The following KDM3A variants were observed in gnomAD, a reference collection of about 807,000 sequenced individuals.
The protein encoded by KDM3A is lysine demethylase 3A.
In KDM3A, 60 loss-of-function variants were observed where a neutral mutation model predicts 158.0. The ratio of observed to expected loss-of-function variants is 0.38; its 90% CI spans 0.31 to 0.47. KDM3A has a LOEUF of 0.47. Ranked by LOEUF, KDM3A falls within the 20% of genes least tolerant of loss-of-function variation. KDM3A has a pLI of 0.99. For missense variants in KDM3A, 1,319 were observed against 1,574.3 expected (o/e 0.84, Z 2.74); for synonymous variants, 608 against 549.3 (o/e 1.11, Z -1.49).
chr2:86,485,118 G>A, intron 20 of KDM3A, 89 bp downstream of exon 20: 1 of 761,134 alleles, frequency 1.3e-6, no homozygotes, highest in East Asian at 2.6e-5. Flanking sequence ...CAGTTTTCAA[G>A]AAAATAACAA....
chr2:86,484,717 G>A (rs1674100461), intron 19 of KDM3A: 1 of 466,838 alleles, frequency 2.1e-6, no homozygotes, highest in Non-Finnish European at 3.8e-6. Flanking sequence ...GCTGCCTCCT[G>A]GGTACAAATG....
chr2:86,482,786 C>T (rs1674001769), intron 18 of KDM3A, 92 bp downstream of exon 18: 2 of 1,063,426 alleles, frequency 1.9e-6, no homozygotes, highest in South Asian at 2.8e-5. Context: ...AGGCTTTCCC[C>T]CTCCTTCACC....
Position 86,442,023 on chromosome 2 carries a change from A to G in KDM3A, c.-25A>G. Reference sequence around the variant, plus strand: ...TTGTTTTTGTGTTTTTGCAGGGAGGAGCTCTTCCTGCAGGCGTGGAAACCA... The same window carrying G: ...TTGTTTTTGTGTTTTTGCAGGGAGGGGCTCTTCCTGCAGGCGTGGAAACCA... On this transcript the variant is annotated 5_prime_UTR_variant, in exon 2 of 26. Coordinates refer to ENST00000312912, the MANE Select transcript of KDM3A (RefSeq NM_018433.6). The G allele has an allele frequency of 1.3e-6, 2 of 1,580,768 alleles. No homozygotes were observed. The highest frequency in any genetic ancestry group is 1.7e-6 in the Non-Finnish European group (2 of 1,160,882).
chr2:86,439,097 T>C (rs1298056339), upstream of KDM3A, among the ~76,000 whole-genome samples: 2 of 152,048 alleles, frequency 1.3e-5, no homozygotes, highest in Non-Finnish European at 2.9e-5. Context: ...AAAACATTTT[T>C]TAAAAATTAT....
rs1386922217 is a variant in KDM3A, at chr2:86,485,772, A to G, written c.3226A>G (p.Arg1076Gly). The change falls in exon 21 of 26, where the codon AGG becomes GGG. Residue 1076 changes from arginine (R) to glycine (G), a missense_variant. Transcript: ENST00000312912. ...CAACATTCCACTGCCCGAGTACACA[A>G]GGCGAGATGGCAAACTGAATTTGGC... ...MANIPLPEYT[R>G]RDGKLNLASR... 2 of 1,614,030 alleles carry G rather than the reference A, an allele frequency of 1.2e-6. No individual in the cohort carries two copies. Among genetic ancestry groups the G allele is most frequent in the African/African-American group, 1.3e-5 (1 of 74,928 alleles).
chr2:86,471,804 C>T (rs1206403771), intron 11 of KDM3A, among the ~76,000 whole-genome samples: 3 of 152,136 alleles, frequency 2.0e-5, no homozygotes, highest in Admixed American at 6.5e-5. Flanking sequence ...GCATTTAGAG[C>T]TGTAATACTG....
At chr2:86,443,554 C>G (rs1024655400) in intron 2 of KDM3A, 2 of 152,116 alleles carry the variant, frequency 1.3e-5, no homozygotes, top group African/African-American at 4.8e-5. Flanking sequence ...AATATTGCCC[C>G]CATTTTATGG....
At chr2:86,456,708 C>G in intron 6 of KDM3A, 97 bp from the exon 7 acceptor site, 1 of 1,267,548 alleles carries the variant, frequency 7.9e-7, no homozygotes, top group Non-Finnish European at 1.1e-6. Context: ...AGAAATTATT[C>G]ATAAGAAGCT....
At chr2:86,473,681 G>C (rs544597697) in intron 11 of KDM3A, among the ~76,000 whole-genome samples, 11 of 152,258 alleles carry the variant, frequency 7.2e-5, no homozygotes, top group Admixed American at 7.2e-4. Flanking sequence ...GTCTGGGAGT[G>C]GGGGTTGCCA....
At chr2:86,483,897 AT>A in intron 18 of KDM3A, 89 bp from the exon 19 acceptor site, 1 of 1,041,092 alleles carries the variant, frequency 9.6e-7, no homozygotes, top group South Asian at 1.6e-5. Flanking sequence ...CCATGGAAAT[AT>A]ACCAATAGCA....
chr2:86,469,628 G>A (rs1478024513), intron 10 of KDM3A, among the ~76,000 whole-genome samples: 2 of 152,170 alleles, frequency 1.3e-5, no homozygotes, highest in African/African-American at 2.4e-5. Context: ...TGGACCACAT[G>A]TGTGAAAGAA....
intron 11 of KDM3A, among the ~76,000 whole-genome samples, chr2:86,472,051 T>C (rs2104677457): frequency 6.6e-6 from 1 of 152,272 alleles, no homozygotes; most frequent in East Asian, 1.9e-4. Flanking sequence ...ATGGCTCCTC[T>C]GCTATGAAAA....
At position 86,482,523 on chromosome 2, in the gene KDM3A, T is replaced by G. The variant is rs566419091; in HGVS notation, c.2751T>G (p.Asn917Lys). The G allele has an allele frequency of 1.9e-6, 3 of 1,614,188 alleles. No individual in the cohort carries two copies. In the South Asian group the frequency reaches 3.3e-5, roughly 18 times the overall value. Residue 917 changes from asparagine (N) to lysine (K), a missense_variant, in exon 18 of 26, where the codon AAT becomes AAG. Physicochemically the swap from Asn to Lys is moderately conservative, Grantham distance 94 (BLOSUM62 0). Around this residue, in one of 4 missense-constraint regions of KDM3A, gnomAD observed 368 missense variants for 415.8 expected, o/e 0.89. Transcript: ENST00000312912. ...LDDIFASLVQ[N>K]KTTSDLSKRP... The stretch of plus-strand genomic sequence containing the variant: ...ACATCTTTGCCTCTTTGGTGCAAAA[T>G]AAGACGACTTCTGATTTATCTAAGA...
At chr2:86,474,742 T>TGTTTAA in intron 11 of KDM3A, 34 bp from the exon 12 acceptor site, 1 of 1,083,116 alleles carries the variant, frequency 9.2e-7, no homozygotes, top group Non-Finnish European at 1.4e-6. Context: ...TGTGTGTGTG[T>TGTTTAA]ACATTACATC....
At chr2:86,444,243 C>T (rs141472091) in intron 2 of KDM3A, among the ~76,000 whole-genome samples, 121 of 152,320 alleles carry the variant, frequency 7.9e-4, no homozygotes, top group African/African-American at 2.6e-3. Flanking sequence ...GGCTGCGAAT[C>T]CAGATTGGGC....
chr2:86,485,233 G>A (rs1674122459), intron 20 of KDM3A, among the ~76,000 whole-genome samples: 1 of 152,204 alleles, frequency 6.6e-6, no homozygotes. Context: ...TTTTAGGCCT[G>A]GCTGACTAAT....
At chr2:86,439,527 C>T (rs1006188191), upstream of KDM3A, among the ~76,000 whole-genome samples, 2 of 152,058 alleles carry the variant, frequency 1.3e-5, no homozygotes, top group Non-Finnish European at 2.9e-5. Context: ...ATGAATTCAA[C>T]ATAGAAAGTA....
chr2:86,489,787 A>C (rs1674368765), intron 23 of KDM3A, 128 bp downstream of exon 23: 1 of 960,828 alleles, frequency 1.0e-6, no homozygotes, highest in Admixed American at 2.4e-5. Context: ...TGTACCTGTC[A>C]GATTGAATAG....
chr2:86,485,659 A>G, intron 20 of KDM3A, 70 bp from the exon 21 acceptor site: 1 of 1,577,082 alleles, frequency 6.3e-7, no homozygotes, highest in South Asian at 1.1e-5. Flanking sequence ...TAGAAGGAAC[A>G]AAACAGGTTA....
Sources: allele counts gnomAD v4.1 joint callset (sites outside exome capture counted in the v4.1 genomes callset), GRCh38; gene constraint gnomAD v4.1.1; regional missense constraint gnomAD v4.1.1; transcripts MANE v1.5; gene names NCBI Gene and HGNC (gene_info 2026-07-23, HGNC 2026-07-21).